The following ACTN1 variants were observed in gnomAD, a reference collection of about 807,000 sequenced individuals.
ACTN1 encodes alpha-actinin-1.
In ACTN1, 30 loss-of-function variants were observed where a neutral mutation model predicts 119.6. The ratio of observed to expected loss-of-function variants is 0.25; its 90% CI spans 0.19 to 0.34. The LOEUF (loss-of-function observed/expected upper bound fraction) is 0.34, where lower values mean the gene tolerates loss of function less well. Among genes scored for constraint, ACTN1 ranks in the 10% least tolerant of loss-of-function variants. The pLI, the probability that ACTN1 is intolerant of heterozygous loss-of-function variation, is 1.00. For missense variants in ACTN1, 764 were observed against 1,223.4 expected (o/e 0.62, Z 5.60); for synonymous variants, 429 against 472.6 (o/e 0.91, Z 1.20).
At chr14:68,971,966 TG>T (rs1016076998) in intron 1 of ACTN1, among the ~76,000 whole-genome samples, 3 of 152,114 alleles carry the variant, frequency 2.0e-5, no homozygotes, top group Non-Finnish European at 4.4e-5. Flanking sequence ...CTGCCTCCTT[TG>T]GGGGGCACCC....
intron 16 of ACTN1, chr14:68,881,238 T>G (rs1400878365): frequency 7.3e-6 from 3 of 412,344 alleles, no homozygotes; most frequent in Non-Finnish European, 1.3e-5. Flanking sequence ...AACTCTCGGG[T>G]ACCTGTCAGC....
chr14:68,876,942 G>C, intron 21 of ACTN1, 140 bp downstream of exon 21: 1 of 976,150 alleles, frequency 1.0e-6, no homozygotes, highest in East Asian at 2.6e-5. Flanking sequence ...GAAATGAGTA[G>C]AAGTGGCAAA....
rs879664693 is a variant in ACTN1, at chr14:68,909,246, G to A, written c.594+72C>T. On this transcript the variant is annotated intron_variant, in intron 6 of 21. Coordinates refer to ENST00000394419, the MANE Select transcript of ACTN1 (RefSeq NM_001130004.2). The surrounding 1 kb of genome is among the most constrained non-coding windows in gnomAD (Gnocchi z 4.1). ...CTGGACCATGGACTGTCACAACAAG[G>A]GTCCTAGTCCTGCTCTTTTCCCACC... The A allele has an allele frequency of 6.3e-5, 91 of 1,436,186 alleles. No individual in the cohort carries two copies. In the Admixed American group the frequency reaches 6.4e-4, roughly 10 times the overall value. The allele number at this position is 1,436,186 out of a possible 1,614,324, so 89.0% of individuals were successfully genotyped here. A position where few individuals can be genotyped will look rare whatever the true frequency, so the allele number is the denominator to read the frequency against.
intron 1 of ACTN1, among the ~76,000 whole-genome samples, chr14:68,948,880 CA>C (rs1014637495): frequency 6.6e-6 from 1 of 152,172 alleles, no homozygotes; most frequent in African/African-American, 2.4e-5. Flanking sequence ...ACGGGGCACC[CA>C]AAAGACAGCC....
chr14:68,923,346 G>C (rs906812674), intron 2 of ACTN1, among the ~76,000 whole-genome samples: 1 of 152,192 alleles, frequency 6.6e-6, no homozygotes, highest in Admixed American at 6.5e-5. Context: ...GGCAGGTAGG[G>C]GGGTGGTGCG....
At chr14:68,961,138 G>T (rs1006295157) in intron 1 of ACTN1, among the ~76,000 whole-genome samples, 20 of 152,082 alleles carry the variant, frequency 1.3e-4, no homozygotes, top group Admixed American at 7.2e-4. Flanking sequence ...ATGCTTTTTG[G>T]AAAGAGGCAG....
At chr14:68,884,113 C>A in intron 14 of ACTN1, 55 bp downstream of exon 14, 1 of 1,553,392 alleles carries the variant, frequency 6.4e-7, no homozygotes, top group South Asian at 1.2e-5. Context: ...ACCCACAGAG[C>A]ATGGGCCAGG....
At chr14:68,913,007 C>A (rs999583838) in intron 3 of ACTN1, among the ~76,000 whole-genome samples, 8 of 152,194 alleles carry the variant, frequency 5.3e-5, no homozygotes, top group African/African-American at 1.7e-4. Flanking sequence ...CCATCTTGAA[C>A]TATCCACTGA....
At position 68,880,105 on chromosome 14, in the gene ACTN1, T is replaced by C; in HGVS notation, c.2137A>G (p.Ile713Val). ...NKHTNYTMEHIRVGWEQLLTT... is the reference protein window; with the variant it reads ...NKHTNYTMEHVRVGWEQLLTT... ...AGCAGCTGCTCCCAGCCCACACGGATGTGCTGCAGGACGGCAAGGGGCCTG... is the reference window on the plus strand; with the variant it reads ...AGCAGCTGCTCCCAGCCCACACGGACGTGCTGCAGGACGGCAAGGGGCCTG... Residue 713 changes from isoleucine (I) to valine (V), a missense_variant, in exon 18 of 22, where the codon ATC becomes GTC. Ile to Val is a conservative substitution (Grantham distance 29). Around this residue, in one of 4 missense-constraint regions of ACTN1, gnomAD observed 544 missense variants for 912.0 expected, o/e 0.60. Coordinates refer to ENST00000394419, the MANE Select transcript of ACTN1 (RefSeq NM_001130004.2). The surrounding 1 kb of genome is among the most constrained non-coding windows in gnomAD (Gnocchi z 4.6). 1 of 1,613,814 alleles carries C rather than the reference T, an allele frequency of 6.2e-7. No individual in the cohort carries two copies. Among genetic ancestry groups the C allele is most frequent in the Admixed American group, 1.7e-5 (1 of 60,014 alleles).
chr14:68,899,610 C>T (rs147880090), intron 8 of ACTN1, among the ~76,000 whole-genome samples: 107 of 152,174 alleles, frequency 7.0e-4, no homozygotes, highest in African/African-American at 2.5e-3. Flanking sequence ...CAGAACCCCC[C>T]ATACCCATAC....
rs931580173 is a variant in ACTN1 at position 68,959,001 on chromosome 14, A to G, written c.105+19951T>C. Among the ~76,000 whole-genome samples the G allele has an allele frequency of 9.8e-5, 15 of 152,324 alleles. 1 individual carries two copies. Among genetic ancestry groups the G allele is most frequent in the Admixed American group, 9.1e-4 (14 of 15,306 alleles). On this transcript the variant is annotated intron_variant, in intron 1 of 21. Transcript: ENST00000394419. ...CTTCACATGCTTAGCACCCAAAACAAATATTCAGGTTGGTGCAAAATTCCC... is the reference window on the plus strand; with the variant it reads ...CTTCACATGCTTAGCACCCAAAACAGATATTCAGGTTGGTGCAAAATTCCC...
Position 68,921,015 on chromosome 14 carries a change from C to T in ACTN1, c.331G>A (p.Gly111Arg), listed in dbSNP as rs995441618. ...ASKGVKLVSIGAEEIVDGNVK... is the reference protein window; with the variant it reads ...ASKGVKLVSIRAEEIVDGNVK... ...CAGAGGTAGGCCTTACCTTCGGCTC[C>T]GATGGACACCAGTTTGACGCCTTTG... is the stretch of plus-strand genomic sequence containing the variant. The change falls in exon 3 of 22, where the codon GGA (glycine) becomes AGA (arginine). Residue 111 changes from glycine (G) to arginine (R), a missense_variant. Transcript: ENST00000394419. 6.2e-7 allele frequency: 1 copy of T among 1,613,954 alleles called. No individual in the cohort carries two copies. The highest frequency in any genetic ancestry group is 8.5e-7 in the Non-Finnish European group (1 of 1,179,978).
chr14:68,891,300 G>C (rs574057898), intron 10 of ACTN1, among the ~76,000 whole-genome samples: 1 of 152,184 alleles, frequency 6.6e-6, no homozygotes, highest in Non-Finnish European at 1.5e-5. Flanking sequence ...TGGGGACAGG[G>C]TCAAGAAGGA....
At chr14:68,897,623 C>G (rs2032975612) in intron 8 of ACTN1, among the ~76,000 whole-genome samples, 1 of 152,228 alleles carries the variant, frequency 6.6e-6, no homozygotes, top group African/African-American at 2.4e-5. Flanking sequence ...CCACGAGGAT[C>G]TCATCTATGT....
rs1459548520 is a variant in ACTN1 at position 68,882,303 on chromosome 14, C to T, written c.1953+155G>A. Among the ~76,000 whole-genome samples the T allele has an allele frequency of 6.6e-6, 1 of 152,146 alleles. No individual in the cohort carries two copies. The highest frequency in any genetic ancestry group is 6.5e-5 in the Admixed American group (1 of 15,282). On this transcript the variant is annotated intron_variant, in intron 16 of 21. Coordinates refer to ENST00000394419, the MANE Select transcript of ACTN1 (RefSeq NM_001130004.2). The surrounding 1 kb of genome is among the most constrained non-coding windows in gnomAD (Gnocchi z 4.5). Reference sequence around the variant, plus strand: ...GCCAGCAGGGCTTCTTCACATAGGCCCCCATAGCCTTCTACAGAACAGCAG... The same window carrying T: ...GCCAGCAGGGCTTCTTCACATAGGCTCCCATAGCCTTCTACAGAACAGCAG...
chr14:68,874,804 C>T lies in ACTN1; in HGVS notation c.*55G>A. The T allele has an allele frequency of 3.4e-6, 5 of 1,454,952 alleles. No individual in the cohort carries two copies. The highest frequency in any genetic ancestry group is 1.5e-5 in the South Asian group (1 of 65,718). 90.1% of individuals were successfully genotyped at this position (1,454,952 alleles called of 1,614,324 possible). ...AACCCAGGCAGGAGATGGGCGACGGCGGAGGTGCAAGGCAGGGCACGGCGC... is the reference window on the plus strand; with the variant it reads ...AACCCAGGCAGGAGATGGGCGACGGTGGAGGTGCAAGGCAGGGCACGGCGC... On this transcript the variant is annotated 3_prime_UTR_variant, in exon 22 of 22. Coordinates refer to ENST00000394419, the MANE Select transcript of ACTN1 (RefSeq NM_001130004.2).
intron 1 of ACTN1, among the ~76,000 whole-genome samples, chr14:68,940,359 G>A (rs2035723768): frequency 6.6e-6 from 1 of 152,114 alleles, no homozygotes; most frequent in African/African-American, 2.4e-5. Flanking sequence ...CATACAATAT[G>A]GGAACCCGGG....
rs185456853 is a variant in ACTN1, at chr14:68,887,812, T to C, written c.1235-2237A>G. On this transcript the variant is annotated intron_variant, in intron 11 of 21. Transcript: ENST00000394419. ...AATCAGACTCGGCTTCTTTCTCTCC[T>C]GCTTCATCAGAGGCTGGACTCTCCT... is the stretch of plus-strand genomic sequence containing the variant. 1.6e-4 allele frequency: 141 copies of C among 896,226 alleles called. No homozygotes were observed. In the African/African-American group the frequency reaches 2.0e-3, roughly 13 times the overall value. 55.5% of individuals were successfully genotyped at this position (896,226 alleles called of 1,614,324 possible).
rs2031842904 is a variant in ACTN1 at position 68,884,625 on chromosome 14, A to G, written c.1494+150T>C. The G allele has an allele frequency of 4.1e-6, 3 of 729,796 alleles. No individual in the cohort carries two copies. The Admixed American group carries it at 8.2e-5, about 20-fold the overall frequency. The allele number at this position is 729,796 out of a possible 1,614,324, so 45.2% of individuals were successfully genotyped here. On this transcript the variant is annotated intron_variant, in intron 13 of 21. Coordinates refer to ENST00000394419, the MANE Select transcript of ACTN1 (RefSeq NM_001130004.2). Reference sequence around the variant, plus strand: ...GAGGGCAAAGTCCAAATCCTGTGCCAAAGTGAATCTTCCACATTTAGGCCA... The same window carrying G: ...GAGGGCAAAGTCCAAATCCTGTGCCGAAGTGAATCTTCCACATTTAGGCCA...
Sources: gnomAD v4.1 joint callset for allele counts (sites outside exome capture counted in the v4.1 genomes callset) on GRCh38, gnomAD v4.1.1 for gene constraint, gnomAD v4.1.1 regional missense constraint, Gnocchi (gnomAD v3.1) non-coding constraint, MANE v1.5 for transcripts, NCBI Gene and HGNC (gene_info 2026-07-23, HGNC 2026-07-21) for gene names.